The following G3BP2 variants were observed in gnomAD, a reference collection of about 807,000 sequenced individuals.
G3BP2 encodes the protein G3BP stress granule assembly factor 2, also known as ras GTPase-activating protein-binding protein 2.
G3BP2 carries 11 observed loss-of-function variants against 56.7 expected under a neutral mutation model. The observed-to-expected ratio is 0.19, with a 90% confidence interval of 0.12 to 0.32. The LOEUF (loss-of-function observed/expected upper bound fraction) is 0.32. Ranked by LOEUF, G3BP2 falls within the 10% of genes least tolerant of loss-of-function variation. G3BP2 has a pLI of 1.00. For missense variants in G3BP2, 340 were observed against 610.9 expected, an observed-to-expected ratio of 0.56 and a Z score of 4.67; for synonymous variants, 165 against 191.6, an observed-to-expected ratio of 0.86 and a Z score of 1.15.
At chr4:75,706,181 T>C (rs1438877359) in intron 3 of G3BP2, among the ~76,000 whole-genome samples, 2 of 152,192 alleles carry the variant, frequency 1.3e-5, no homozygotes, top group African/African-American at 4.8e-5. Flanking sequence ...ACTAAGATCC[T>C]ACTTACACTT....
intron 2 of G3BP2, chr4:75,661,426 T>A (rs1387875659): frequency 6.6e-6 from 1 of 150,966 alleles, no homozygotes; most frequent in Non-Finnish European, 1.5e-5. Context: ...AGCCACTGTG[T>A]CCAGCCTCAT....
At chr4:75,693,459 C>T (rs1383151964) in intron 3 of G3BP2, among the ~76,000 whole-genome samples, 1 of 151,858 alleles carries the variant, frequency 6.6e-6, no homozygotes, top group African/African-American at 2.4e-5. Flanking sequence ...ACTGGCCAGC[C>T]TCTCCAGGTA....
At chr4:75,704,480 G>A (rs1719468030) in intron 3 of G3BP2, among the ~76,000 whole-genome samples, 1 of 145,652 alleles carries the variant, frequency 6.9e-6, no homozygotes, top group South Asian at 2.3e-4. Flanking sequence ...ACCATGCCCA[G>A]GTAATTTTTA....
intron 2 of G3BP2, among the ~76,000 whole-genome samples, chr4:75,721,425 A>T (rs1442651355): frequency 6.6e-6 from 1 of 151,672 alleles, no homozygotes; most frequent in African/African-American, 2.4e-5. Flanking sequence ...TGCTCAGCTA[A>T]TATTTTATTT....
At position 75,672,239 on chromosome 4, in the gene G3BP2, G is replaced by C. The variant is rs567883527; in HGVS notation, c.-25+969C>G. Among the ~76,000 whole-genome samples, 4 of 152,194 alleles carry C rather than the reference G, an allele frequency of 2.6e-5. No individual in the cohort carries two copies. In the East Asian group the frequency reaches 7.7e-4, roughly 29 times the overall value. ...CCGTTAGAACATTAAGTATGTCTTG[G>C]GGAAAAAAGCTGATCTATGCAGGAA... is the stretch of plus-strand genomic sequence containing the variant. On this transcript the variant is annotated intron_variant, in intron 1 of 11. Transcript: ENST00000359707.
At chr4:75,718,918 A>T (rs560174062) in intron 3 of G3BP2, among the ~76,000 whole-genome samples, 22 of 152,302 alleles carry the variant, frequency 1.4e-4, no homozygotes, top group African/African-American at 4.8e-4. Context: ...AGAGTCCAGA[A>T]ATAGTGAAAA....
At chr4:75,683,144 T>C (rs1734147309) in intron 3 of G3BP2, among the ~76,000 whole-genome samples, 1 of 152,138 alleles carries the variant, frequency 6.6e-6, no homozygotes, top group Admixed American at 6.5e-5. Flanking sequence ...TGTAACCACT[T>C]CCTTGTAGAG....
At chr4:75,646,975 TCTTG>T (rs1039670972) in intron 10 of G3BP2, 50 bp downstream of exon 10, 8 of 1,188,964 alleles carry the variant, frequency 6.7e-6, no homozygotes, top group African/African-American at 6.3e-5. Context: ...TCCATATGCC[TCTTG>T]CTTAATTTAA....
rs2148989876 is a variant in G3BP2, at chr4:75,658,941, A to G, written c.96-17T>C. ...CCATAAAACCTGCAAAACCATAATT[A>G]ATGATTAACACTGAATTGTCAAGAG... On this transcript the variant is annotated splice_polypyrimidine_tract_variant and intron_variant, in intron 2 of 11. Coordinates refer to ENST00000359707, the MANE Select transcript of G3BP2 (RefSeq NM_203505.3). 6.5e-7 allele frequency: 1 copy of G among 1,547,528 alleles called. No individual in the cohort carries two copies. The highest frequency in any genetic ancestry group is 8.9e-7 in the Non-Finnish European group (1 of 1,119,104).
At chr4:75,672,964 G>C (rs1483732781) in intron 1 of G3BP2, 1 of 979,580 alleles carries the variant, frequency 1.0e-6, no homozygotes, top group African/African-American at 1.8e-5. Context: ...GGAGCCCTCT[G>C]CCCGCAAGAC....
upstream of G3BP2, chr4:75,673,707 C>G: frequency 9.8e-7 from 1 of 1,021,216 alleles, no homozygotes; most frequent in Non-Finnish European, 1.3e-6. Context: ...TCTTCCTGAT[C>G]GCGCAAGCGA....
intron 3 of G3BP2, among the ~76,000 whole-genome samples, chr4:75,709,199 A>T (rs1379964173): frequency 6.6e-6 from 1 of 152,084 alleles, no homozygotes; most frequent in Non-Finnish European, 1.5e-5. Context: ...AGGCAGGGGG[A>T]TCACAAGGTC....
intron 3 of G3BP2, among the ~76,000 whole-genome samples, chr4:75,690,379 C>G (rs1718801897): frequency 6.6e-6 from 1 of 151,606 alleles, no homozygotes; most frequent in East Asian, 1.9e-4. Flanking sequence ...TTGCAGTGAG[C>G]CAAGACCGTG....
chr4:75,682,435 T>A (rs1344514353), intron 3 of G3BP2, among the ~76,000 whole-genome samples: 1 of 149,078 alleles, frequency 6.7e-6, no homozygotes, highest in African/African-American at 2.5e-5. Context: ...AAAAAAAAAA[T>A]TATGAACTTT....
intron 3 of G3BP2, among the ~76,000 whole-genome samples, chr4:75,682,501 G>A (rs796279402): frequency 1.7e-4 from 26 of 152,138 alleles, no homozygotes; most frequent in African/African-American, 4.8e-4. Flanking sequence ...TGGGTAACTC[G>A]AAGGGGGAGG....
At chr4:75,674,766 A>T (rs1305832101), upstream of G3BP2, among the ~76,000 whole-genome samples, 3 of 132,514 alleles carry the variant, frequency 2.3e-5, no homozygotes, top group Admixed American at 2.6e-4. Context: ...TGTGTCGCCC[A>T]GGCTGGAGTG....
chr4:75,720,181 T>C (rs1720102359), intron 3 of G3BP2, among the ~76,000 whole-genome samples: 1 of 152,012 alleles, frequency 6.6e-6, no homozygotes, highest in Non-Finnish European at 1.5e-5. Context: ...CCTTCTTTCT[T>C]GGACTCTCCT....
intron 3 of G3BP2, among the ~76,000 whole-genome samples, chr4:75,691,808 G>A (rs571172040): frequency 9.2e-5 from 14 of 152,134 alleles, no homozygotes; most frequent in African/African-American, 2.9e-4. Context: ...AAGCTCTCCG[G>A]GAACCAAAGT....
chr4:75,703,995 TG>T (rs1560420491), intron 3 of G3BP2, among the ~76,000 whole-genome samples: 3 of 150,892 alleles, frequency 2.0e-5, no homozygotes, highest in South Asian at 4.2e-4. Flanking sequence ...CATAGTCCTC[TG>T]TAATGTCTAT....
Sources: gnomAD v4.1 joint callset for allele counts (sites outside exome capture counted in the v4.1 genomes callset) on GRCh38, gnomAD v4.1.1 for gene constraint, MANE v1.5 for transcripts, NCBI Gene and HGNC (gene_info 2026-07-23, HGNC 2026-07-21) for gene names.